The following CALD1 variants were observed in gnomAD, a reference collection of about 807,000 sequenced individuals.
CALD1 encodes the protein caldesmon.
Under a neutral mutation model 99.9 loss-of-function variants are expected in CALD1, and 33 were observed. That is an observed-to-expected ratio of 0.33 (90% CI 0.25 to 0.44). CALD1 has a LOEUF of 0.44. Ranked by LOEUF, CALD1 falls within the 20% of genes least tolerant of loss-of-function variation. CALD1 has a pLI of 1.00. For missense variants in CALD1, 861 were observed against 962.1 expected, an observed-to-expected ratio of 0.89 and a Z score of 1.39; for synonymous variants, 310 against 325.0, an observed-to-expected ratio of 0.95 and a Z score of 0.50.
upstream of CALD1, among the ~76,000 whole-genome samples, chr7:134,776,957 C>T (rs975170984): frequency 2.0e-5 from 3 of 151,618 alleles, no homozygotes; most frequent in East Asian, 1.9e-4. Context: ...TATTATGGTT[C>T]GATTAAGTTG....
chr7:134,947,897 A>G, intron 8 of CALD1, 128 bp downstream of exon 8: 1 of 1,128,938 alleles, frequency 8.9e-7, no homozygotes, highest in Non-Finnish European at 1.3e-6. Context: ...TGTGCTAGGT[A>G]CTGTTTTATA....
At chr7:134,831,462 G>T (rs1187556587) in intron 1 of CALD1, among the ~76,000 whole-genome samples, 4 of 152,012 alleles carry the variant, frequency 2.6e-5, no homozygotes, top group African/African-American at 9.7e-5. Flanking sequence ...GGGATTACAG[G>T]TGCCCACCAC....
intron 3 of CALD1, among the ~76,000 whole-genome samples, chr7:134,895,062 T>C (rs1310578345): frequency 6.6e-6 from 1 of 151,470 alleles, no homozygotes; most frequent in African/African-American, 2.4e-5. Flanking sequence ...TCCCACTGTT[T>C]TCTGAGGGAA....
intron 3 of CALD1, among the ~76,000 whole-genome samples, chr7:134,915,622 G>T (rs1218426514): frequency 6.6e-6 from 1 of 152,190 alleles, no homozygotes; most frequent in Non-Finnish European, 1.5e-5. Flanking sequence ...TAATGCTCAT[G>T]CTCCCTCTCT....
chr7:134,914,184 A>G (rs1312130545), intron 3 of CALD1, among the ~76,000 whole-genome samples: 1 of 152,248 alleles, frequency 6.6e-6, no homozygotes, highest in East Asian at 1.9e-4. Context: ...AATCCAATTT[A>G]ATACGAGGTG....
chr7:134,904,483 C>T lies in CALD1; in HGVS notation c.72-24271C>T, dbSNP rs532390572. ...GCAGTCCCAGCTACTCAAGAGGCTG[C>T]GGTGGGAGGATTGCTTGAGCTGGGA... On this transcript the variant is annotated intron_variant, in intron 3 of 14. Transcript: ENST00000361675. Among the ~76,000 whole-genome samples, 20 of 151,778 alleles carry T rather than the reference C, an allele frequency of 1.3e-4. 1 individual carries two copies. In the South Asian group the frequency reaches 1.5e-3, roughly 11 times the overall value.
intron 2 of CALD1, among the ~76,000 whole-genome samples, chr7:134,857,475 A>T (rs1800367423): frequency 6.6e-6 from 1 of 151,986 alleles, no homozygotes; most frequent in African/African-American, 2.4e-5. Context: ...GCTATTCTTA[A>T]GCAGGCCCCA....
chr7:134,712,425 C>T, the CALD1 span, among the ~76,000 whole-genome samples: 13 of 152,260 alleles, frequency 8.5e-5, no homozygotes, highest in East Asian at 1.7e-3. Flanking sequence ...AATTACATCC[C>T]GGCCACCAGA....
intron 9 of CALD1, among the ~76,000 whole-genome samples, chr7:134,956,737 T>C (rs1198656995): frequency 6.6e-6 from 1 of 152,196 alleles, no homozygotes; most frequent in African/African-American, 2.4e-5. Flanking sequence ...GTAGATTTCT[T>C]GACTGTCCTG....
chr7:134,813,372 A>T (rs1164085231), intron 1 of CALD1, among the ~76,000 whole-genome samples: 2 of 152,182 alleles, frequency 1.3e-5, no homozygotes, highest in East Asian at 3.9e-4. Flanking sequence ...TTGTATGATG[A>T]TGAGAATAAT....
At chr7:134,711,680 A>ATATATATATGTGTG in the CALD1 span, among the ~76,000 whole-genome samples, 2 of 109,586 alleles carry the variant, frequency 1.8e-5, no homozygotes, top group African/African-American at 7.8e-5. Context: ...ATATATATAT[A>ATATATATATGTGTG]TGTGTGTGTG....
rs183947648 is a variant in CALD1 at position 134,923,289 on chromosome 7, T to G, written c.72-5465T>G. ...TAGGTGGGAAGTTCATGGATTCTGG[T>G]CAAACAAACATTTTATTTCATAGAG... On this transcript the variant is annotated intron_variant, in intron 3 of 14. Transcript: ENST00000361675. 1.4e-4 allele frequency among the ~76,000 whole-genome samples: 21 copies of G among 152,354 alleles called. No homozygotes were observed. The East Asian group carries it at 3.7e-3, about 27-fold the overall frequency.
chr7:134,728,916 A>G, the CALD1 span, among the ~76,000 whole-genome samples: 1 of 147,886 alleles, frequency 6.8e-6, no homozygotes, highest in South Asian at 2.1e-4. Context: ...CAGTGGCACA[A>G]TCTCGGCTCA....
Position 134,933,478 on chromosome 7 carries a change from G to A in CALD1, c.709G>A (p.Glu237Lys). ...AAAAAATGGGCAGATCAGTTCAGAA[G>A]AGCCTAAACAAGAGGAGGAGAGGGA... ...SLKNGQISSE[E>K]PKQEEEREQG... Residue 237 changes from glutamate to lysine, a missense_variant, in exon 5 of 15, where the codon GAG (glutamate) becomes AAG (lysine). This residue lies in a region of CALD1 where 234 missense variants were observed against 233.1 expected (regional missense o/e 1.00). Coordinates refer to ENST00000361675, the MANE Select transcript of CALD1 (RefSeq NM_033138.4). 6.2e-7 allele frequency: 1 copy of A among 1,614,002 alleles called. No individual in the cohort carries two copies. The highest frequency in any genetic ancestry group is 1.1e-5 in the South Asian group (1 of 91,062).
At position 134,933,446 on chromosome 7, in the gene CALD1, TG is replaced by T; in HGVS notation, c.678del (p.Met226IlefsTer3). On this transcript the variant is annotated frameshift_variant, in exon 5 of 15. Transcript: ENST00000361675. LOFTEE classifies it high-confidence loss of function. ...TTESQEETVVMSLKNGQISSE... is the reference protein window; with the variant it reads ...TTESQEETVVXSLKNGQISSE... ...GAAAGCCAGGAGGAAACAGTGGTAATGTCATTAAAAAATGGGCAGATCAGTT... is the reference window on the plus strand; with the variant it reads ...GAAAGCCAGGAGGAAACAGTGGTAATTCATTAAAAAATGGGCAGATCAGTT... 6.2e-7 allele frequency: 1 copy of T among 1,613,654 alleles called. No individual in the cohort carries two copies. Among genetic ancestry groups the T allele is most frequent in the Non-Finnish European group, 8.5e-7 (1 of 1,179,908 alleles).
upstream of CALD1, among the ~76,000 whole-genome samples, chr7:134,741,206 G>T (rs1388075890): frequency 6.6e-6 from 1 of 152,180 alleles, no homozygotes; most frequent in East Asian, 1.9e-4. Context: ...GTTCCATAAG[G>T]CTGGGGAGGC....
chr7:134,920,865 T>C (rs1804566649), intron 3 of CALD1: 1 of 392,144 alleles, frequency 2.6e-6, no homozygotes, highest in South Asian at 2.1e-5. Flanking sequence ...GAAAACAGAC[T>C]TGGAAACTTT....
chr7:134,790,710 A>C (rs565013425), intron 1 of CALD1, among the ~76,000 whole-genome samples: 10 of 152,290 alleles, frequency 6.6e-5, no homozygotes, highest in African/African-American at 1.9e-4. Flanking sequence ...AGAAAGAAAG[A>C]AAGCCAGAGA....
chr7:134,873,561 G>A (rs1248082174), intron 3 of CALD1, among the ~76,000 whole-genome samples: 2 of 152,166 alleles, frequency 1.3e-5, no homozygotes, highest in Non-Finnish European at 2.9e-5. Context: ...ACCGCCGCCG[G>A]CCCCAGAATT....
Sources: gnomAD v4.1 joint callset for allele counts (sites outside exome capture counted in the v4.1 genomes callset) on GRCh38, gnomAD v4.1.1 for gene constraint, gnomAD v4.1.1 regional missense constraint, MANE v1.5 for transcripts, NCBI Gene and HGNC (gene_info 2026-07-23, HGNC 2026-07-21) for gene names.